A2M: variants seen among roughly 807,000 people sequenced by gnomAD.
A2M encodes the protein C3 and PZP-like alpha-2-macroglobulin domain-containing protein 5.
A neutral mutation model predicts 183.9 loss-of-function variants in A2M; 128 were observed. The ratio of observed to expected loss-of-function variants is 0.70; its 90% confidence interval spans 0.60 to 0.81. The LOEUF is 0.81. Among genes scored for constraint, A2M ranks in the 30% least tolerant of loss-of-function variants. The pLI is 0.00. For synonymous variants in A2M, 592 were observed against 670.8 expected, an observed-to-expected ratio of 0.88 and a Z score of 1.81; for missense variants, 1,495 against 1,787.6, an observed-to-expected ratio of 0.84 and a Z score of 2.95.
Position 9,071,917 on chromosome 12 carries a change from A to G in A2M, c.4103+442T>C, listed in dbSNP as rs750296547. On this transcript the variant is annotated intron_variant, in intron 31 of 35. Transcript: ENST00000318602. ...TGCAGCTATTTAAATATTGATGCAT[A>G]TAAGTGTATCTTCCCCCCAAATTAA... Among the ~76,000 whole-genome samples the G allele has an allele frequency of 4.6e-5, 7 of 152,358 alleles. No individual in the cohort carries two copies. In the East Asian group the frequency reaches 1.3e-3, roughly 29 times the overall value.
intron 8 of A2M, 104 bp downstream of exon 8, chr12:9,107,420 C>T: frequency 2.2e-6 from 3 of 1,351,396 alleles, no homozygotes; most frequent in Non-Finnish European, 3.0e-6. Flanking sequence ...ACATGGAATT[C>T]TCTTCTAGAT....
Position 9,074,470 on chromosome 12 carries a change from A to AT in A2M, c.3756+89dup, listed in dbSNP as rs1473103233. The AT allele has an allele frequency of 8.7e-6, 11 of 1,266,096 alleles. No homozygotes were observed. In the African/African-American group the frequency reaches 1.2e-4, roughly 14 times the overall value. 78.4% of individuals were successfully genotyped at this position (1,266,096 alleles called of 1,614,324 possible). ...CTCATTTCAAGTTACTGTCATCTGTATTTTTTTCTTCTTGGATGTGTTTGT... is the reference window on the plus strand; with the variant it reads ...CTCATTTCAAGTTACTGTCATCTGTATTTTTTTTCTTCTTGGATGTGTTTGT... On this transcript the variant is annotated intron_variant, in intron 29 of 35. Coordinates refer to ENST00000318602, the MANE Select transcript of A2M (RefSeq NM_000014.6).
intron 28 of A2M, 29 bp downstream of exon 28, chr12:9,076,727 C>T (rs766687463): frequency 1.4e-5 from 22 of 1,612,882 alleles, no homozygotes; most frequent in Non-Finnish European, 1.8e-5. Flanking sequence ...GAGGATGGGC[C>T]AGGAGAAGGA....
intron 14 of A2M, 54 bp downstream of exon 14, chr12:9,099,327 C>T: frequency 6.6e-7 from 1 of 1,504,022 alleles, no homozygotes; most frequent in Non-Finnish European, 9.1e-7. Context: ...CAAATGATAA[C>T]AATAGTAACT....
At chr12:9,085,466 T>A (rs1439986562) in intron 22 of A2M, among the ~76,000 whole-genome samples, 1 of 151,786 alleles carries the variant, frequency 6.6e-6, no homozygotes, top group Non-Finnish European at 1.5e-5. Context: ...TTAAGACAAA[T>A]GAACATGGAA....
At chr12:9,079,438 G>A in intron 24 of A2M, 107 bp from the exon 25 acceptor site, 2 of 1,264,606 alleles carry the variant, frequency 1.6e-6, no homozygotes, top group Non-Finnish European at 2.3e-6. Context: ...CTTAAATTTT[G>A]TTGTCATAGA....
At chr12:9,082,195 T>G (rs1435462963) in intron 22 of A2M, among the ~76,000 whole-genome samples, 2 of 152,224 alleles carry the variant, frequency 1.3e-5, no homozygotes, top group Non-Finnish European at 2.9e-5. Context: ...TCCTCTATTA[T>G]GCACATCTAA....
At chr12:9,099,662 A>G in intron 13 of A2M, 139 bp from the exon 14 acceptor site, 1 of 1,044,446 alleles carries the variant, frequency 9.6e-7, no homozygotes, top group Middle Eastern at 2.6e-4. Context: ...AAAAAACCCT[A>G]TCAAAGCCCT....
chr12:9,080,682 A>G (rs1469755333), intron 22 of A2M, among the ~76,000 whole-genome samples: 3 of 152,234 alleles, frequency 2.0e-5, no homozygotes, highest in Admixed American at 2.0e-4. Context: ...TGGAAAACCT[A>G]GAAAATTGAG....
intron 28 of A2M, among the ~76,000 whole-genome samples, chr12:9,075,839 G>A (rs1948733905): frequency 6.6e-6 from 1 of 152,118 alleles, no homozygotes; most frequent in Non-Finnish European, 1.5e-5. Flanking sequence ...TTTTTCCCAT[G>A]TCGGTAATTT....
chr12:9,086,211 T>C (rs1470574439), intron 22 of A2M, among the ~76,000 whole-genome samples: 1 of 152,212 alleles, frequency 6.6e-6, no homozygotes, highest in East Asian at 1.9e-4. Context: ...CAGACCAATA[T>C]TCTTGATGAA....
At chr12:9,082,484 T>A (rs906181462) in intron 22 of A2M, among the ~76,000 whole-genome samples, 1 of 152,216 alleles carries the variant, frequency 6.6e-6, no homozygotes, top group Non-Finnish European at 1.5e-5. Flanking sequence ...AGGGAACCCA[T>A]GAAAACTCTG....
intron 32 of A2M, among the ~76,000 whole-genome samples, chr12:9,070,151 C>T (rs1948525164): frequency 6.6e-6 from 1 of 152,066 alleles, no homozygotes; most frequent in Non-Finnish European, 1.5e-5. Context: ...CTTTTAACTT[C>T]TGTAATACTT....
intron 2 of A2M, chr12:9,112,790 A>G (rs1210893902): frequency 2.1e-6 from 1 of 466,726 alleles, no homozygotes; most frequent in African/African-American, 2.0e-5. Flanking sequence ...GCTCACAGAA[A>G]CAGTCTTGAT....
At chr12:9,093,011 G>A (rs1949258674) in intron 18 of A2M, among the ~76,000 whole-genome samples, 1 of 152,222 alleles carries the variant, frequency 6.6e-6, no homozygotes, top group Non-Finnish European at 1.5e-5. Context: ...CACAGGACAA[G>A]TACTGCGTGA....
intron 22 of A2M, among the ~76,000 whole-genome samples, chr12:9,082,628 A>G (rs1041682082): frequency 1.3e-5 from 2 of 152,202 alleles, no homozygotes; most frequent in East Asian, 1.9e-4. Flanking sequence ...AAATAATGCA[A>G]GGACACAGGA....
rs1235950325 is a variant in A2M, at chr12:9,106,513, G to C, written c.972C>G (p.Ala324=). The C allele has an allele frequency of 1.3e-6, 2 of 1,597,524 alleles. No homozygotes were observed. The highest frequency in any genetic ancestry group is 1.7e-6 in the Non-Finnish European group (2 of 1,170,266). Residue 324 remains alanine (A), a synonymous_variant, in exon 9 of 36, where the codon GCC becomes GCG. Transcript: ENST00000318602. The stretch of plus-strand genomic sequence containing the variant: ...AACCTGTTCCTTCTTCTTGGATCTG[G>C]GCCTCAGTGTGAAGTTTCATTTCAT... ...KEYEMKLHTE[A]QIQEEGTVVE...
chr12:9,076,802 C>T lies in A2M; in HGVS notation c.3486G>A (p.Lys1162=), dbSNP rs774316868. ...YAFALAGNQD[K]RKEVLKSLNE... ...TAAGTGACTTGAGTACTTCCTTCCT[C>T]TTGTCCTGGTTACCTGCCAGGGCAA... The change falls in exon 28 of 36, where the codon AAG becomes AAA. Residue 1162 remains lysine (K), a synonymous_variant. Coordinates refer to ENST00000318602, the MANE Select transcript of A2M (RefSeq NM_000014.6). 8 of 1,613,990 alleles carry T rather than the reference C, an allele frequency of 5.0e-6. No homozygotes were observed. The highest frequency in any genetic ancestry group is 5.9e-6 in the Non-Finnish European group (7 of 1,179,930).
chr12:9,089,809 A>C, intron 21 of A2M, 93 bp downstream of exon 21: 1 of 896,706 alleles, frequency 1.1e-6, no homozygotes, highest in Non-Finnish European at 1.6e-6. Context: ...AGAGAGATAC[A>C]TGAGAATAAT....
Sources: gnomAD v4.1 joint callset for allele counts (sites outside exome capture counted in the v4.1 genomes callset) on GRCh38, gnomAD v4.1.1 for gene constraint, MANE v1.5 for transcripts, NCBI Gene and HGNC (gene_info 2026-07-23, HGNC 2026-07-21) for gene names.